EML6: variants seen among roughly 807,000 people sequenced by gnomAD.
The protein encoded by EML6 is EMAP like 6.
Under a neutral mutation model 240.1 loss-of-function variants are expected in EML6, and 154 were observed. The ratio of observed to expected loss-of-function variants is 0.64; its 90% CI spans 0.56 to 0.73. EML6 has a LOEUF of 0.73. Among genes scored for constraint, EML6 ranks in the 30% least tolerant of loss-of-function variants. The pLI is 0.00. For synonymous variants in EML6, 1,148 were observed against 899.0 expected (o/e 1.28, Z -4.95); for missense variants, 2,964 against 2,474.6 (o/e 1.20, Z -4.20).
At chr2:54,825,747 C>A (rs1192911418) in intron 5 of EML6, among the ~76,000 whole-genome samples, 3 of 152,180 alleles carry the variant, frequency 2.0e-5, no homozygotes, top group African/African-American at 7.2e-5. Flanking sequence ...ACACATAGGA[C>A]AGCCCCCCAC....
At chr2:54,877,166 T>C (rs866570928) in intron 16 of EML6, among the ~76,000 whole-genome samples, 13 of 152,134 alleles carry the variant, frequency 8.5e-5, no homozygotes, top group Middle Eastern at 3.4e-3. Context: ...TGTATTTTTG[T>C]AGAGAGTGGG....
intron 30 of EML6, among the ~76,000 whole-genome samples, chr2:54,951,949 G>C (rs950135805): frequency 1.3e-5 from 2 of 152,120 alleles, no homozygotes; most frequent in African/African-American, 4.8e-5. Flanking sequence ...TGAGCATTTG[G>C]GTGGGTTTAA....
rs1668104785 is a variant in EML6 at position 54,816,877 on chromosome 2, T to C, written c.448T>C (p.Ser150Pro). The C allele has an allele frequency of 1.3e-6, 2 of 1,549,914 alleles. No individual in the cohort carries two copies. Among genetic ancestry groups the C allele is most frequent in the Non-Finnish European group, 8.7e-7 (1 of 1,145,362 alleles). Residue 150 changes from serine to proline, a missense_variant, in exon 4 of 42, where the codon TCT becomes CCT. Transcript: ENST00000356458. ...ACTTCTGGCGTCAGCCACCGGCCATTCTGACAGGGTAAGAACTTGTTGGAT... is the reference window on the plus strand; with the variant it reads ...ACTTCTGGCGTCAGCCACCGGCCATCCTGACAGGGTAAGAACTTGTTGGAT... ...GKLLASATGHSDRIFDISWDP... is the reference protein window; with the variant it reads ...GKLLASATGHPDRIFDISWDP...
In EML6 at chr2:54,894,958, A is replaced by T. The variant is rs1485136090; in HGVS notation, c.2786A>T (p.Asp929Val). 6.4e-7 allele frequency: 1 copy of T among 1,551,270 alleles called. No individual in the cohort carries two copies. Among genetic ancestry groups the T allele is most frequent in the African/African-American group, 1.4e-5 (1 of 73,006 alleles). The stretch of plus-strand genomic sequence containing the variant: ...AAGGACGGCATCGTGGAGCTCTGGG[A>T]TGATATGTTTGAAAGATGTTTGAAG... ...GGKDGIVELW[D>V]DMFERCLKTY... The change falls in exon 20 of 42, where the codon GAT becomes GTT. Residue 929 changes from aspartate (D) to valine (V), a missense_variant. Physicochemically the swap from Asp to Val is radical, Grantham distance 152. Coordinates refer to ENST00000356458, the MANE Select transcript of EML6 (RefSeq NM_001039753.4).
chr2:54,955,494 C>T (rs1676189990), intron 32 of EML6, among the ~76,000 whole-genome samples: 1 of 152,216 alleles, frequency 6.6e-6, no homozygotes, highest in South Asian at 2.1e-4. Context: ...AAAGCCCCTT[C>T]TTATGTGGGG....
At chr2:54,852,992 C>T (rs1002554465) in intron 10 of EML6, among the ~76,000 whole-genome samples, 1 of 152,162 alleles carries the variant, frequency 6.6e-6, no homozygotes, top group Non-Finnish European at 1.5e-5. Context: ...GATTATTTTC[C>T]CGCGTGAATT....
intron 25 of EML6, among the ~76,000 whole-genome samples, chr2:54,916,271 A>G (rs1346235621): frequency 1.3e-5 from 2 of 152,184 alleles, no homozygotes; most frequent in African/African-American, 4.8e-5. Flanking sequence ...TTCTCAACTG[A>G]GAGCAATTTT....
intron 2 of EML6, among the ~76,000 whole-genome samples, chr2:54,768,147 T>C (rs1668264278): frequency 6.6e-6 from 1 of 152,206 alleles, no homozygotes; most frequent in South Asian, 2.1e-4. Flanking sequence ...CTCATTATAG[T>C]TCTAAACAGA....
At chr2:54,878,797 G>GAT (rs1671658259) in intron 16 of EML6, among the ~76,000 whole-genome samples, 1 of 152,114 alleles carries the variant, frequency 6.6e-6, no homozygotes, top group Non-Finnish European at 1.5e-5. Context: ...AAATGTTCAT[G>GAT]ATATAATAGA....
chr2:54,869,220 A>G lies in EML6; in HGVS notation c.2091A>G (p.Thr697=), dbSNP rs1331420478. Residue 697 remains threonine (T), a synonymous_variant, in exon 15 of 42, where the codon ACA becomes ACG. Transcript: ENST00000356458. The stretch of plus-strand genomic sequence containing the variant: ...ACTGTAGAAACAATCTGTTCTACAC[A>G]CAAGCTGGAGAAGTAGTCTACCACA... ...GYDCRNNLFY[T]QAGEVVYHIA... is the part of the protein sequence containing the mutation. 10 of 1,551,810 alleles carry G rather than the reference A, an allele frequency of 6.4e-6. No individual in the cohort carries two copies. The highest frequency in any genetic ancestry group is 2.0e-5 in the Admixed American group (1 of 50,980).
intron 30 of EML6, among the ~76,000 whole-genome samples, chr2:54,952,164 A>G (rs1177147602): frequency 6.6e-6 from 1 of 152,142 alleles, no homozygotes; most frequent in African/African-American, 2.4e-5. Flanking sequence ...AAGAAGTGGT[A>G]CCATTTTGCT....
intron 2 of EML6, among the ~76,000 whole-genome samples, chr2:54,801,955 C>G (rs978170826): frequency 3.9e-5 from 6 of 152,160 alleles, no homozygotes; most frequent in African/African-American, 1.4e-4. Context: ...GAGTTCGTGA[C>G]AGGAATTTTG....
chr2:54,878,523 A>C (rs1671643868), intron 16 of EML6, among the ~76,000 whole-genome samples: 1 of 152,214 alleles, frequency 6.6e-6, no homozygotes, highest in Non-Finnish European at 1.5e-5. Flanking sequence ...TCTTGAAGGG[A>C]AAAAGCAAAT....
At chr2:54,863,273 A>C (rs1171105216) in intron 12 of EML6, among the ~76,000 whole-genome samples, 1 of 152,194 alleles carries the variant, frequency 6.6e-6, no homozygotes, top group East Asian at 1.9e-4. Context: ...TTACAAAACA[A>C]AGCTTAAAAC....
chr2:54,843,597 C>T (rs927101838), intron 7 of EML6, among the ~76,000 whole-genome samples: 1 of 152,054 alleles, frequency 6.6e-6, no homozygotes, highest in Non-Finnish European at 1.5e-5. Flanking sequence ...GTAAACCCAG[C>T]ACTTTGGGAG....
intron 2 of EML6, among the ~76,000 whole-genome samples, chr2:54,755,306 T>C (rs1269102451): frequency 6.6e-6 from 1 of 152,228 alleles, no homozygotes; most frequent in Non-Finnish European, 1.5e-5. Flanking sequence ...TCTCTGACTT[T>C]GTGGTACTTC....
chr2:54,961,184 G>GTTGGTTTTTTTTTTTTTTTTTTTTTTTTT, intron 35 of EML6, among the ~76,000 whole-genome samples: 3 of 55,416 alleles, frequency 5.4e-5, no homozygotes, highest in South Asian at 6.9e-4. Flanking sequence ...TCAGGAAGTA[G>GTTGGTTTTTTTTTTTTTTTTTTTTTTTTT]TTTTTTTTTT....
intron 2 of EML6, among the ~76,000 whole-genome samples, chr2:54,811,942 C>G (rs542106001): frequency 1.3e-5 from 2 of 152,304 alleles, no homozygotes; most frequent in African/African-American, 4.8e-5. Context: ...TTTTGTATTA[C>G]TTGCTTATGA....
At chr2:54,914,222 T>C (rs1673789755) in intron 25 of EML6, among the ~76,000 whole-genome samples, 1 of 152,188 alleles carries the variant, frequency 6.6e-6, no homozygotes, top group Admixed American at 6.5e-5. Context: ...GTCAATCTGG[T>C]TTTACAGATA....
Sources: allele counts gnomAD v4.1 joint callset (sites outside exome capture counted in the v4.1 genomes callset), GRCh38; gene constraint gnomAD v4.1.1; transcripts MANE v1.5; gene names NCBI Gene and HGNC (gene_info 2026-07-23, HGNC 2026-07-21).